Variants in OTUD7A observed in about 807,000 individuals in gnomAD.
The protein encoded by OTUD7A is OTU domain-containing protein 7A.
In OTUD7A, 12 loss-of-function variants were observed where a neutral mutation model predicts 65.7. The ratio of observed to expected loss-of-function variants is 0.18; its 90% CI spans 0.12 to 0.30. OTUD7A has a LOEUF of 0.30. Among genes scored for constraint, OTUD7A ranks in the 10% least tolerant of loss-of-function variants. The probability of loss-of-function intolerance (pLI) is 1.00; values close to 1 mark genes in which losing one functional copy is unlikely to be tolerated. For missense variants in OTUD7A, 1,148 were observed against 1,304.8 expected (o/e 0.88, Z 1.85); for synonymous variants, 641 against 586.3 (o/e 1.09, Z -1.35).
chr15:31,767,852 G>C (rs1895130035), intron 1 of OTUD7A: 9 of 1,036,936 alleles, frequency 8.7e-6, no homozygotes, highest in Non-Finnish European at 1.1e-5. Context: ...TCTCAATTCT[G>C]GATGCCTTCG....
rs12439310 is a variant in OTUD7A at position 31,484,901 on chromosome 15, G to A, written c.1372-177C>T. On this transcript the variant is annotated intron_variant, in intron 12 of 12. Coordinates refer to ENST00000307050, the MANE Select transcript of OTUD7A (RefSeq NM_001382637.1). This position sits in a 1 kb window ranked among gnomAD's most constrained non-coding sequence, Gnocchi z 4.5. ...TCCGGATGGGCGGTGCTGAAGGAGC[G>A]GATAGGAGTGGGCTCTGATCTGCTG... Among the ~76,000 whole-genome samples the A allele has an allele frequency of 0.25, 38,398 of 152,158 alleles. 5,491 individuals carry two copies. The highest frequency in any genetic ancestry group is 0.37 in the East Asian group (1,937 of 5,170).
intron 10 of OTUD7A, among the ~76,000 whole-genome samples, chr15:31,496,140 CTTGTAATA>C (rs2041380705): frequency 6.7e-6 from 1 of 150,314 alleles, no homozygotes; most frequent in African/African-American, 2.4e-5. Flanking sequence ...ACCGTAATGT[CTTGTAATA>C]GGCATTACAT....
At chr15:31,861,217 G>C (rs530162520) in intron 1 of OTUD7A, among the ~76,000 whole-genome samples, 1 of 152,112 alleles carries the variant, frequency 6.6e-6, no homozygotes, top group Admixed American at 6.5e-5. Flanking sequence ...AAGACCTAGA[G>C]AATATCCCCA....
chr15:31,496,117 T>G (rs899969861), intron 10 of OTUD7A, among the ~76,000 whole-genome samples: 7 of 151,058 alleles, frequency 4.6e-5, no homozygotes, highest in Admixed American at 4.0e-4. Flanking sequence ...CACCATGAAC[T>G]AAGCTGATTC....
At chr15:31,591,409 C>G (rs529685387) in intron 3 of OTUD7A, among the ~76,000 whole-genome samples, 2 of 152,276 alleles carry the variant, frequency 1.3e-5, no homozygotes, top group African/African-American at 4.8e-5. Flanking sequence ...ATGAGATGAA[C>G]ATTTAATTTT....
chr15:31,592,444 G>A (rs538530607), intron 3 of OTUD7A, among the ~76,000 whole-genome samples: 3 of 151,888 alleles, frequency 2.0e-5, no homozygotes, highest in African/African-American at 7.2e-5. Flanking sequence ...ATCCGTATCA[G>A]TGTCTCCACC....
chr15:31,744,577 T>C (rs916385703), intron 1 of OTUD7A, among the ~76,000 whole-genome samples: 1 of 152,150 alleles, frequency 6.6e-6, no homozygotes, highest in South Asian at 2.1e-4. Context: ...AGGGCATTTT[T>C]AAAAATTCTA....
At chr15:31,623,676 G>A (rs1480496272) in intron 3 of OTUD7A, among the ~76,000 whole-genome samples, 1 of 152,204 alleles carries the variant, frequency 6.6e-6, no homozygotes, top group African/African-American at 2.4e-5. Flanking sequence ...AGCTTTGCTT[G>A]TCTAGGAAAG....
chr15:31,508,797 C>T (rs2141092058), intron 8 of OTUD7A, among the ~76,000 whole-genome samples: 1 of 152,374 alleles, frequency 6.6e-6, no homozygotes, highest in East Asian at 1.9e-4. Flanking sequence ...CTTGAGGCCC[C>T]ATGGTGACGT....
chr15:31,515,123 T>TG (rs1291797544), intron 8 of OTUD7A, among the ~76,000 whole-genome samples: 1 of 152,136 alleles, frequency 6.6e-6, no homozygotes, highest in East Asian at 1.9e-4. Flanking sequence ...CCTGCATACT[T>TG]GGAGAGAGAA....
chr15:31,557,069 G>C (rs970108254), intron 5 of OTUD7A: 1 of 152,230 alleles, frequency 6.6e-6, no homozygotes, highest in Non-Finnish European at 1.5e-5. Flanking sequence ...ATGAGATCCA[G>C]CTGTTGGGAA....
In OTUD7A at chr15:31,717,739, C is replaced by G. The variant is rs1234561216; in HGVS notation, c.-99-60662G>C. ...TCTTTATAGTAGAATGATTTATATACCTTTGGGTATATACCCAGTAATGGG... is the reference window on the plus strand; with the variant it reads ...TCTTTATAGTAGAATGATTTATATAGCTTTGGGTATATACCCAGTAATGGG... On this transcript the variant is annotated intron_variant, in intron 1 of 12. Coordinates refer to ENST00000307050, the MANE Select transcript of OTUD7A (RefSeq NM_001382637.1). Among the ~76,000 whole-genome samples, 5 of 152,206 alleles carry G rather than the reference C, an allele frequency of 3.3e-5. No individual in the cohort carries two copies. The East Asian group carries it at 9.7e-4, about 29-fold the overall frequency.
chr15:31,705,246 A>AACCT (rs1261018216), intron 1 of OTUD7A, among the ~76,000 whole-genome samples: 1 of 124,182 alleles, frequency 8.1e-6, no homozygotes, highest in African/African-American at 3.0e-5. Flanking sequence ...AAATGAAGAC[A>AACCT]ACCTTTCAGA....
chr15:31,576,270 A>G (rs1889200814), intron 3 of OTUD7A, among the ~76,000 whole-genome samples: 1 of 152,158 alleles, frequency 6.6e-6, no homozygotes, highest in South Asian at 2.1e-4. Context: ...GGTGTGGGAC[A>G]AAGGACAGAC....
chr15:31,680,948 C>T (rs546898523), intron 1 of OTUD7A, among the ~76,000 whole-genome samples: 16 of 150,200 alleles, frequency 1.1e-4, no homozygotes, highest in African/African-American at 3.3e-4. Context: ...TCAATACATG[C>T]GGAAGATACC....
intron 1 of OTUD7A, among the ~76,000 whole-genome samples, chr15:31,840,346 G>A (rs1185891625): frequency 2.6e-5 from 4 of 152,164 alleles, no homozygotes; most frequent in South Asian, 2.1e-4. Context: ...GCTGAGGCAC[G>A]AGAATCATTT....
intron 1 of OTUD7A, among the ~76,000 whole-genome samples, chr15:31,807,544 G>T (rs2140956192): frequency 6.6e-6 from 1 of 152,256 alleles, no homozygotes; most frequent in South Asian, 2.1e-4. Context: ...GGAGCTGGCA[G>T]TTAAGATCCC....
chr15:31,533,941 C>T (rs936302821), intron 5 of OTUD7A, among the ~76,000 whole-genome samples: 1 of 152,026 alleles, frequency 6.6e-6, no homozygotes, highest in Non-Finnish European at 1.5e-5. Context: ...ATATGCTTCA[C>T]CAATAGTAGT....
chr15:31,614,759 G>T (rs1461597003), intron 3 of OTUD7A, among the ~76,000 whole-genome samples: 2 of 152,106 alleles, frequency 1.3e-5, no homozygotes. Context: ...AAGAACAACG[G>T]AAAATCATTA....
Sources: gnomAD v4.1 joint callset for allele counts (sites outside exome capture counted in the v4.1 genomes callset) on GRCh38, gnomAD v4.1.1 for gene constraint, Gnocchi (gnomAD v3.1) non-coding constraint, MANE v1.5 for transcripts, NCBI Gene and HGNC (gene_info 2026-07-23, HGNC 2026-07-21) for gene names.